PKHD1: variants seen among roughly 807,000 people sequenced by gnomAD.
PKHD1 encodes fibrocystin.
PKHD1 carries 291 observed loss-of-function variants against 412.0 expected under a neutral mutation model. The ratio of observed to expected loss-of-function variants is 0.71; its 90% CI spans 0.64 to 0.78. The LOEUF is 0.78. PKHD1 is among the 30% of genes least tolerant of loss of function. The pLI is 0.00. For missense variants in PKHD1, 4,825 were observed against 4,950.7 expected (o/e 0.97, Z 0.76); for synonymous variants, 1,777 against 1,821.5 (o/e 0.98, Z 0.62).
At chr6:52,060,200 A>T (rs754032323) in intron 14 of PKHD1, among the ~76,000 whole-genome samples, 158 bp from the exon 15 acceptor site, 1 of 152,244 alleles carries the variant, frequency 6.6e-6, no homozygotes, top group Non-Finnish European at 1.5e-5. Context: ...AGAAAGAGAT[A>T]TAGCACCTGC....
At position 51,668,590 on chromosome 6, in the gene PKHD1, G is replaced by T. The variant is rs563972455; in HGVS notation, c.10157-8621C>A. Among the ~76,000 whole-genome samples the T allele has an allele frequency of 1.1e-4, 17 of 152,258 alleles. No individual in the cohort carries two copies. The South Asian group carries it at 3.3e-3, about 30-fold the overall frequency. Reference sequence around the variant, plus strand: ...AGAACTTCCAACACTATGTTGAATAGGAGTGGTGAGAGAGGGCATCCCTGT... The same window carrying T: ...AGAACTTCCAACACTATGTTGAATATGAGTGGTGAGAGAGGGCATCCCTGT... On this transcript the variant is annotated intron_variant, in intron 60 of 66. Coordinates refer to ENST00000371117, the MANE Select transcript of PKHD1 (RefSeq NM_138694.4).
chr6:51,665,025 T>C (rs965213239), intron 60 of PKHD1, among the ~76,000 whole-genome samples: 26 of 152,274 alleles, frequency 1.7e-4, no homozygotes, highest in African/African-American at 6.3e-4. Flanking sequence ...ATACTCATTT[T>C]GATTCAAGAT....
chr6:52,055,166 A>G (rs536793928), intron 19 of PKHD1, among the ~76,000 whole-genome samples: 1 of 152,340 alleles, frequency 6.6e-6, no homozygotes, highest in South Asian at 2.1e-4. Flanking sequence ...CATTTAATCT[A>G]TACCACAGTC....
rs540971757 is a variant in PKHD1, at chr6:52,057,478, G to A, written c.1513-499C>T. Among the ~76,000 whole-genome samples, 5 of 151,902 alleles carry A rather than the reference G, an allele frequency of 3.3e-5. No individual in the cohort carries two copies. The South Asian group carries it at 6.2e-4, about 19-fold the overall frequency. On this transcript the variant is annotated intron_variant, in intron 16 of 66. Coordinates refer to ENST00000371117, the MANE Select transcript of PKHD1 (RefSeq NM_138694.4). ...TGTCACCAGGCTGGAATGCTGTGGC[G>A]TGATGCCGGCTCACTGCAACCTCCG...
chr6:51,919,792 T>C (rs1784407561), intron 37 of PKHD1, among the ~76,000 whole-genome samples: 1 of 152,258 alleles, frequency 6.6e-6, no homozygotes, highest in Non-Finnish European at 1.5e-5. Context: ...GTTTGTGTCC[T>C]CTTTGATTTC....
At chr6:51,967,390 C>A (rs1792972968) in intron 35 of PKHD1, among the ~76,000 whole-genome samples, 2 of 152,010 alleles carry the variant, frequency 1.3e-5, no homozygotes, top group African/African-American at 4.8e-5. Flanking sequence ...AGTATAGTAC[C>A]TATAATATGC....
At chr6:51,942,567 G>A (rs372642074) in intron 36 of PKHD1, among the ~76,000 whole-genome samples, 3 of 151,128 alleles carry the variant, frequency 2.0e-5, no homozygotes, top group Non-Finnish European at 3.0e-5. Context: ...ACTTCAATCC[G>A]GCCTCCCACA....
chr6:52,005,091 C>T (rs1422790760), intron 35 of PKHD1, among the ~76,000 whole-genome samples: 1 of 152,158 alleles, frequency 6.6e-6, no homozygotes, highest in East Asian at 1.9e-4. Flanking sequence ...AGAAATGGAA[C>T]CCAAAAAGAG....
chr6:51,730,659 C>T (rs1024087650), intron 60 of PKHD1, among the ~76,000 whole-genome samples: 1 of 152,014 alleles, frequency 6.6e-6, no homozygotes, highest in African/African-American at 2.4e-5. Flanking sequence ...AAACTGTAAA[C>T]CAGACAAGCG....
chr6:51,637,107 G>A (rs917529162), intron 64 of PKHD1, among the ~76,000 whole-genome samples: 1 of 152,076 alleles, frequency 6.6e-6, no homozygotes, highest in Non-Finnish European at 1.5e-5. Flanking sequence ...AATACATTTC[G>A]CATTTGGTTT....
At chr6:52,015,478 A>T (rs1458164492) in intron 34 of PKHD1, among the ~76,000 whole-genome samples, 2 of 152,272 alleles carry the variant, frequency 1.3e-5, no homozygotes, top group African/African-American at 4.8e-5. Flanking sequence ...TCCCCATTAA[A>T]CTTTGTTTGT....
At chr6:51,760,095 T>C (rs567155243) in intron 55 of PKHD1, among the ~76,000 whole-genome samples, 5 of 152,270 alleles carry the variant, frequency 3.3e-5, no homozygotes, top group African/African-American at 1.2e-4. Flanking sequence ...CCACCAACTC[T>C]ATATTCTAAT....
chr6:51,836,276 T>A (rs1438656334), intron 51 of PKHD1, 128 bp downstream of exon 51: 2 of 732,262 alleles, frequency 2.7e-6, no homozygotes. Flanking sequence ...AATAGAGAGT[T>A]ATCAGACATA....
intron 23 of PKHD1, among the ~76,000 whole-genome samples, chr6:52,046,734 C>A (rs987701542): frequency 6.6e-6 from 1 of 152,230 alleles, no homozygotes; most frequent in Non-Finnish European, 1.5e-5. Context: ...CATGTCCCCA[C>A]AGAAGAATAA....
intron 39 of PKHD1, among the ~76,000 whole-genome samples, chr6:51,910,989 T>G (rs536086343): frequency 2.0e-5 from 3 of 152,160 alleles, no homozygotes; most frequent in African/African-American, 7.2e-5. Flanking sequence ...ACCAGACATC[T>G]CTACACAGTT....
intron 37 of PKHD1, among the ~76,000 whole-genome samples, chr6:51,915,902 G>A (rs1288732690): frequency 2.0e-5 from 3 of 152,032 alleles, no homozygotes; most frequent in Non-Finnish European, 4.4e-5. Context: ...CTGCTAAAAA[G>A]GGGAGAAGGT....
rs745651165 is a variant in PKHD1, at chr6:51,911,866, T to C, written c.6423A>G (p.Ile2141Met). 5 of 1,612,342 alleles carry C rather than the reference T, an allele frequency of 3.1e-6. No homozygotes were observed. Among genetic ancestry groups the C allele is most frequent in the Non-Finnish European group, 4.2e-6 (5 of 1,178,696 alleles). The part of the protein sequence containing the change: ...TVALLSRSIT[I>M]QGNLTNEREK... ...CCCTCTCATTAGTGAGATTTCCTTG[T>C]ATGGTAATACTCCTGCTGAGCAGAG... The change falls in exon 39 of 67, where the codon ATA (isoleucine) becomes ATG (methionine). Residue 2141 changes from isoleucine (I) to methionine (M), a missense_variant. Coordinates refer to ENST00000371117, the MANE Select transcript of PKHD1 (RefSeq NM_138694.4).
chr6:52,057,114 T>C (rs1807881217), intron 16 of PKHD1, 135 bp from the exon 17 acceptor site: 1 of 710,648 alleles, frequency 1.4e-6, no homozygotes, highest in Non-Finnish European at 2.5e-6. Flanking sequence ...TGCTTTAACA[T>C]TCAGAAATCT....
chr6:51,670,582 C>T (rs1462357781), intron 60 of PKHD1, among the ~76,000 whole-genome samples: 7 of 151,300 alleles, frequency 4.6e-5, no homozygotes, highest in Non-Finnish European at 7.4e-5. Flanking sequence ...GAATTTGATC[C>T]TGTCATTATG....
Sources: gnomAD v4.1 joint callset for allele counts (sites outside exome capture counted in the v4.1 genomes callset) on GRCh38, gnomAD v4.1.1 for gene constraint, MANE v1.5 for transcripts, NCBI Gene and HGNC (gene_info 2026-07-23, HGNC 2026-07-21) for gene names.